Variants in GPC5 observed in about 807,000 individuals in gnomAD.
GPC5 encodes glypican 5, also known as glypican-5.
Under a neutral mutation model 53.9 loss-of-function variants are expected in GPC5, and 47 were observed. That is an observed-to-expected ratio of 0.87 (90% CI 0.69 to 1.11). The LOEUF is 1.11. Among genes scored for constraint, GPC5 ranks in the 50% most tolerant of loss-of-function variants. The pLI, the probability that GPC5 is intolerant of heterozygous loss-of-function variation, is 0.00. For synonymous variants in GPC5, 286 were observed against 263.3 expected (o/e 1.09, Z -0.84); for missense variants, 748 against 713.1 (o/e 1.05, Z -0.56).
At chr13:92,148,330 T>C (rs941936678) in intron 7 of GPC5, among the ~76,000 whole-genome samples, 1 of 152,108 alleles carries the variant, frequency 6.6e-6, no homozygotes, top group Non-Finnish European at 1.5e-5. Flanking sequence ...CAGAGGGGTC[T>C]CTATATTTCA....
intron 7 of GPC5, among the ~76,000 whole-genome samples, chr13:92,197,435 G>T (rs1296298484): frequency 6.6e-6 from 1 of 152,122 alleles, no homozygotes; most frequent in Non-Finnish European, 1.5e-5. Context: ...TGGAAAATAT[G>T]ATTTATATAC....
intron 2 of GPC5, among the ~76,000 whole-genome samples, chr13:91,532,114 G>T (rs975208543): frequency 6.6e-6 from 1 of 152,114 alleles, no homozygotes; most frequent in Non-Finnish European, 1.5e-5. Flanking sequence ...TGAAAAAAAG[G>T]CAGATTAAGG....
chr13:92,100,833 T>G (rs530933724), intron 6 of GPC5, among the ~76,000 whole-genome samples: 1 of 152,310 alleles, frequency 6.6e-6, no homozygotes, highest in South Asian at 2.1e-4. Context: ...ATAGGCATGG[T>G]CCATCATGCC....
intron 7 of GPC5, among the ~76,000 whole-genome samples, chr13:92,757,148 A>T (rs895467228): frequency 1.3e-5 from 2 of 152,136 alleles, no homozygotes; most frequent in Admixed American, 6.5e-5. Context: ...AGATCAATGG[A>T]ACAGAACAGA....
intron 7 of GPC5, among the ~76,000 whole-genome samples, chr13:92,313,842 C>T (rs903631990): frequency 2.0e-5 from 3 of 152,134 alleles, no homozygotes; most frequent in Admixed American, 1.3e-4. Context: ...ATACTCTTAC[C>T]GATTGCTCCA....
intron 7 of GPC5, among the ~76,000 whole-genome samples, chr13:92,280,029 C>G (rs1211077441): frequency 6.6e-6 from 1 of 151,946 alleles, no homozygotes; most frequent in African/African-American, 2.4e-5. Context: ...AGAAGTTTAT[C>G]TAATTGTGGC....
chr13:91,945,432 G>A (rs1473820210), intron 6 of GPC5, among the ~76,000 whole-genome samples: 2 of 151,874 alleles, frequency 1.3e-5, no homozygotes, highest in Non-Finnish European at 2.9e-5. Context: ...AATTTATGTT[G>A]GAATGTATAA....
intron 2 of GPC5, among the ~76,000 whole-genome samples, chr13:91,563,497 T>C (rs533046092): frequency 1.3e-5 from 2 of 152,318 alleles, no homozygotes; most frequent in East Asian, 3.9e-4. Flanking sequence ...GGTTGATAGT[T>C]ATAATCAAGA....
chr13:92,518,073 A>G (rs1163411388), intron 7 of GPC5, among the ~76,000 whole-genome samples: 2 of 152,190 alleles, frequency 1.3e-5, no homozygotes, highest in African/African-American at 4.8e-5. Flanking sequence ...AAGAAAGGAT[A>G]TCAGTGAAAG....
Position 92,436,303 on chromosome 13 carries a change from G to A in GPC5, c.1561+291314G>A, listed in dbSNP as rs971508724. 2.7e-5 allele frequency among the ~76,000 whole-genome samples: 4 copies of A among 148,932 alleles called. No homozygotes were observed. The East Asian group carries it at 7.7e-4, about 29-fold the overall frequency. ...GTATATGAATGTATGTTTTATGTGT[G>A]TAAACAAATATGAATACTGTTTCAG... On this transcript the variant is annotated intron_variant, in intron 7 of 7. Transcript: ENST00000377067.
chr13:92,429,642 T>G (rs1273068857), intron 7 of GPC5, among the ~76,000 whole-genome samples: 1 of 152,016 alleles, frequency 6.6e-6, no homozygotes, highest in African/African-American at 2.4e-5. Context: ...TTGTTTTCTA[T>G]CAACCTCTCT....
intron 7 of GPC5, among the ~76,000 whole-genome samples, chr13:92,705,116 A>C (rs1887906057): frequency 6.6e-6 from 1 of 152,030 alleles, no homozygotes; most frequent in African/African-American, 2.4e-5. Flanking sequence ...ATGTGAAATT[A>C]AGTGACATAT....
intron 3 of GPC5, among the ~76,000 whole-genome samples, chr13:91,723,413 T>G (rs1174496805): frequency 1.3e-5 from 2 of 152,092 alleles, no homozygotes; most frequent in Non-Finnish European, 2.9e-5. Context: ...AATCTATTAT[T>G]TAGAGCTGTC....
At chr13:92,208,895 A>T (rs954258257) in intron 7 of GPC5, among the ~76,000 whole-genome samples, 5 of 152,226 alleles carry the variant, frequency 3.3e-5, no homozygotes, top group African/African-American at 1.2e-4. Flanking sequence ...CCCAACAATG[A>T]CAGAAAGCAC....
At chr13:91,985,902 T>C (rs562067150) in intron 6 of GPC5, among the ~76,000 whole-genome samples, 1 of 151,592 alleles carries the variant, frequency 6.6e-6, no homozygotes, top group South Asian at 2.1e-4. Flanking sequence ...GCAAAAAAGA[T>C]GAAAACCAAA....
rs552256802 is a variant in GPC5 at position 91,577,982 on chromosome 13, C to T, written c.326-115205C>T. Among the ~76,000 whole-genome samples the T allele has an allele frequency of 2.3e-4, 35 of 152,286 alleles. No homozygotes were observed. In the East Asian group the frequency reaches 6.8e-3, roughly 29 times the overall value. On this transcript the variant is annotated intron_variant, in intron 2 of 7. Coordinates refer to ENST00000377067, the MANE Select transcript of GPC5 (RefSeq NM_004466.6). ...AGGCAGAAATGATAGTGTGTGATTT[C>T]TGTGGCTAGGCCATGAAAGATATTG...
intron 1 of GPC5, among the ~76,000 whole-genome samples, chr13:91,431,049 A>AT (rs1594079388): frequency 1.3e-5 from 2 of 151,880 alleles, no homozygotes; most frequent in East Asian, 1.9e-4. Flanking sequence ...TAATTTTTCT[A>AT]TTTTTTGTAG....
rs867011746 is a variant in GPC5, at chr13:91,938,601, C to G, written c.1401+30544C>G. Among the ~76,000 whole-genome samples the G allele has an allele frequency of 4.6e-5, 7 of 152,042 alleles. No homozygotes were observed. In the South Asian group the frequency reaches 6.2e-4, roughly 14 times the overall value. ...GATGTCAAGGCCACTGCCTACTGGC[C>G]AATGTTTAAAGAGCATCCTGTACCC... On this transcript the variant is annotated intron_variant, in intron 6 of 7. Coordinates refer to ENST00000377067, the MANE Select transcript of GPC5 (RefSeq NM_004466.6).
chr13:92,598,831 A>G (rs1234623313), intron 7 of GPC5, among the ~76,000 whole-genome samples: 1 of 152,208 alleles, frequency 6.6e-6, no homozygotes, highest in East Asian at 1.9e-4. Context: ...AACCTGACCA[A>G]CATGGCGAAA....
Sources: gnomAD v4.1 joint callset for allele counts (sites outside exome capture counted in the v4.1 genomes callset) on GRCh38, gnomAD v4.1.1 for gene constraint, MANE v1.5 for transcripts, NCBI Gene and HGNC (gene_info 2026-07-23, HGNC 2026-07-21) for gene names.